OS9: variants seen among roughly 807,000 people sequenced by gnomAD.
OS9 encodes the protein OS9 endoplasmic reticulum lectin, also known as protein OS-9.
Under a neutral mutation model 84.7 loss-of-function variants are expected in OS9, and 58 were observed. That is an observed-to-expected ratio of 0.68 (90% CI 0.55 to 0.85). The LOEUF is 0.85. Ranked by LOEUF, OS9 falls within the 40% of genes least tolerant of loss-of-function variation. The pLI, the probability that OS9 is intolerant of heterozygous loss-of-function variation, is 0.00. For missense variants in OS9, 760 were observed against 850.9 expected, an observed-to-expected ratio of 0.89 and a Z score of 1.33; for synonymous variants, 278 against 320.8, an observed-to-expected ratio of 0.87 and a Z score of 1.43.
chr12:57,698,744 A>T (rs1191531282), intron 5 of OS9, among the ~76,000 whole-genome samples: 6 of 152,190 alleles, frequency 3.9e-5, no homozygotes, highest in African/African-American at 1.4e-4. Context: ...GAACTGACAG[A>T]TACTCACAGG....
rs751051620 is a variant in OS9, at chr12:57,718,237, G to C, written c.1226G>C (p.Arg409Pro). The change falls in exon 11 of 15, where the codon CGG becomes CCG. Residue 409 changes from arginine to proline, a missense_variant. Coordinates refer to ENST00000315970, the MANE Select transcript of OS9 (RefSeq NM_006812.4). ...GAGAAGGAAAGGGGTGATCCAGAAC[G>C]GCAGAGAGAGATGGAAGAAGAGGAG... ...EPEKERGDPERQREMEEEEDE... is the reference protein window; with the variant it reads ...EPEKERGDPEPQREMEEEEDE... 6.2e-7 allele frequency: 1 copy of C among 1,614,028 alleles called. No individual in the cohort carries two copies. The highest frequency in any genetic ancestry group is 1.3e-5 in the African/African-American group (1 of 74,906).
intron 5 of OS9, among the ~76,000 whole-genome samples, chr12:57,705,088 T>G (rs1454412958): frequency 1.3e-5 from 2 of 152,230 alleles, no homozygotes; most frequent in Non-Finnish European, 2.9e-5. Context: ...TCTTGGCTTC[T>G]CTTTTGTTCC....
At position 57,720,476 on chromosome 12, in the gene OS9, TGAG is replaced by T; in HGVS notation, c.1839_1841del (p.Glu613del). The stretch of plus-strand genomic sequence containing the variant: ...AAGAGGGTGCACGTTGGCTGACTGA[TGAG>T]GACACGAGAAACCTCAAGGAGATCT... On this transcript the variant is annotated inframe_deletion, in exon 14 of 15. Transcript: ENST00000315970. The T allele has an allele frequency of 2.5e-6, 4 of 1,613,984 alleles. No individual in the cohort carries two copies. Among genetic ancestry groups the T allele is most frequent in the Non-Finnish European group, 2.5e-6 (3 of 1,179,806 alleles).
At chr12:57,712,253 T>C (rs1341005650) in intron 5 of OS9, among the ~76,000 whole-genome samples, 2 of 152,210 alleles carry the variant, frequency 1.3e-5, no homozygotes, top group Non-Finnish European at 2.9e-5. Flanking sequence ...TTTATAGCTA[T>C]GAATTTCCCT....
At chr12:57,718,958 A>G (rs770100775) in intron 11 of OS9, 35 bp from the exon 12 acceptor site, 76 of 1,553,254 alleles carry the variant, frequency 4.9e-5, no homozygotes, top group Middle Eastern at 2.2e-4. Context: ...CACACCCCAG[A>G]CCCTTGACTC....
intron 10 of OS9, 90 bp from the exon 11 acceptor site, chr12:57,718,056 T>C: frequency 1.3e-6 from 2 of 1,535,348 alleles, no homozygotes; most frequent in Non-Finnish European, 1.8e-6. Flanking sequence ...GGTCCCCCAG[T>C]ACCACACACC....
chr12:57,720,618 C>G (rs1313432685), intron 14 of OS9, 100 bp downstream of exon 14: 5 of 1,274,382 alleles, frequency 3.9e-6, no homozygotes, highest in Non-Finnish European at 5.7e-6. Context: ...ATTTCCTGAT[C>G]TGTAAGACAA....
chr12:57,715,792 G>A lies in OS9; in HGVS notation c.612G>A (p.Gly204=), dbSNP rs555865160. 1 of 1,613,172 alleles carries A rather than the reference G, an allele frequency of 6.2e-7. No individual in the cohort carries two copies. The highest frequency in any genetic ancestry group is 1.1e-5 in the South Asian group (1 of 90,900). Residue 204 remains glycine (G), a synonymous_variant, in exon 6 of 15, where the codon GGG becomes GGA. Coordinates refer to ENST00000315970, the MANE Select transcript of OS9 (RefSeq NM_006812.4). ...GTGACGAGGGTGCAGGTATCTCTGG[G>A]GACTACATCGATCGCGTGGACGAGC... ...FLCDEGAGIS[G]DYIDRVDEPL...
rs12581222 is a variant in OS9, at chr12:57,718,526, C to T, written c.1410+105C>T. On this transcript the variant is annotated intron_variant, in intron 11 of 14. Transcript: ENST00000315970. The stretch of plus-strand genomic sequence containing the variant: ...CAGAGGGCACAGCACAGGGCAAGGA[C>T]GGGGCACTTGGAAGTGGTAGCTGTT... The T allele has an allele frequency of 1.8e-4, 219 of 1,238,834 alleles. No homozygotes were observed. The East Asian group carries it at 2.5e-3, about 14-fold the overall frequency. 76.7% of individuals were successfully genotyped at this position (1,238,834 alleles called of 1,614,324 possible). A position where few individuals can be genotyped will look rare whatever the true frequency, so the allele number is the denominator to read the frequency against.
intron 5 of OS9, among the ~76,000 whole-genome samples, chr12:57,697,608 C>A (rs972474395): frequency 1.3e-5 from 2 of 152,076 alleles, no homozygotes; most frequent in South Asian, 4.2e-4. Flanking sequence ...GGTTGAGGTG[C>A]CTTTAGACAT....
intron 5 of OS9, among the ~76,000 whole-genome samples, chr12:57,710,655 T>C (rs566119635): frequency 4.7e-4 from 72 of 152,322 alleles, no homozygotes; most frequent in African/African-American, 1.7e-3. Flanking sequence ...AAGTTTTTAA[T>C]GGCTATTTTA....
chr12:57,696,533 T>G lies in OS9; in HGVS notation c.579+160T>G, dbSNP rs1413313634. Among the ~76,000 whole-genome samples, 6 of 152,108 alleles carry G rather than the reference T, an allele frequency of 3.9e-5. No individual in the cohort carries two copies. The South Asian group carries it at 6.2e-4, about 16-fold the overall frequency. On this transcript the variant is annotated intron_variant, in intron 5 of 14. Coordinates refer to ENST00000315970, the MANE Select transcript of OS9 (RefSeq NM_006812.4). ...ATTTCCAGCCGGGCGCAGTGGCTTA[T>G]GCCTGTAATCCCAGCACTTTGGGAG...
intron 9 of OS9, 26 bp downstream of exon 9, chr12:57,716,770 T>A (rs760346463): frequency 6.2e-7 from 1 of 1,604,120 alleles, no homozygotes; most frequent in Non-Finnish European, 8.5e-7. Context: ...ATGTCTCCTT[T>A]ACTGAATATA....
In OS9 at chr12:57,717,907, C is replaced by T; in HGVS notation, c.1083C>T (p.Ser361=). Residue 361 remains serine (S), a synonymous_variant, in exon 10 of 15, where the codon AGC becomes AGT. Transcript: ENST00000315970. ...QNNVQVKVIR[S]PADLIRFIEE... ...ACGTGCAGGTCAAAGTCATTCGAAG[C>T]CCTGCGGATTTGATTCGATTCATAG... The T allele has an allele frequency of 1.2e-6, 2 of 1,612,554 alleles. No individual in the cohort carries two copies. The highest frequency in any genetic ancestry group is 1.7e-6 in the Non-Finnish European group (2 of 1,179,456).
At chr12:57,712,903 T>G (rs1954373667) in intron 5 of OS9, among the ~76,000 whole-genome samples, 1 of 152,110 alleles carries the variant, frequency 6.6e-6, no homozygotes, top group Non-Finnish European at 1.5e-5. Context: ...TTAAGCCATC[T>G]GCCTCTGCTG....
intron 5 of OS9, among the ~76,000 whole-genome samples, chr12:57,711,038 CAAA>C (rs35365273): frequency 0.022 from 1,614 of 71,870 alleles, 22 homozygotes; most frequent in South Asian, 0.094. Flanking sequence ...GACTCCGTCT[CAAA>C]AAAAAAAAAA....
At chr12:57,697,062 G>T (rs1322125283) in intron 5 of OS9, among the ~76,000 whole-genome samples, 5 of 152,150 alleles carry the variant, frequency 3.3e-5, no homozygotes, top group African/African-American at 1.2e-4. Flanking sequence ...CACCTGTAAA[G>T]AATTACATGA....
intron 5 of OS9, among the ~76,000 whole-genome samples, chr12:57,714,229 A>G (rs575359907): frequency 7.1e-4 from 108 of 152,362 alleles, no homozygotes; most frequent in African/African-American, 2.5e-3. Context: ...GTATTGAGAC[A>G]GAGTTTCACT....
Position 57,721,137 on chromosome 12 carries a change from C to T in OS9, c.*228C>T. The T allele has an allele frequency of 2.0e-6, 1 of 508,824 alleles. No individual in the cohort carries two copies. Among genetic ancestry groups the T allele is most frequent in the Non-Finnish European group, 3.6e-6 (1 of 280,058 alleles). The allele number at this position is 508,824 out of a possible 1,614,324, so 31.5% of individuals were successfully genotyped here. ...GGCCTGTGATATTTGCTCTCCTGAA[C>T]TCTCACTCAATCCTCTTCCTCTCCT... On this transcript the variant is annotated 3_prime_UTR_variant, in exon 15 of 15. Coordinates refer to ENST00000315970, the MANE Select transcript of OS9 (RefSeq NM_006812.4).
Sources: allele counts gnomAD v4.1 joint callset (sites outside exome capture counted in the v4.1 genomes callset), GRCh38; gene constraint gnomAD v4.1.1; transcripts MANE v1.5; gene names NCBI Gene and HGNC (gene_info 2026-07-23, HGNC 2026-07-21).